Variants in LUZP2 observed in about 807,000 individuals in gnomAD.
The protein encoded by LUZP2 is leucine zipper protein 2.
In LUZP2, 52 loss-of-function variants were observed where a neutral mutation model predicts 51.6. The ratio of observed to expected loss-of-function variants is 1.01; its 90% CI spans 0.81 to 1.27. The LOEUF (loss-of-function observed/expected upper bound fraction) is 1.27. Ranked by LOEUF, LUZP2 falls within the 50% of genes most tolerant of loss-of-function variation. The pLI, the probability that LUZP2 is intolerant of heterozygous loss-of-function variation, is 0.00. For synonymous variants in LUZP2, 154 were observed against 137.3 expected (o/e 1.12, Z -0.85); for missense variants, 436 against 395.4 (o/e 1.10, Z -0.87).
chr11:24,555,271 A>G (rs1851833112), intron 1 of LUZP2, among the ~76,000 whole-genome samples: 3 of 152,194 alleles, frequency 2.0e-5, no homozygotes, highest in African/African-American at 7.2e-5. Flanking sequence ...CAGAAGTGGA[A>G]TAGTAAAGAT....
intron 5 of LUZP2, among the ~76,000 whole-genome samples, chr11:24,900,796 G>T (rs1853255877): frequency 1.3e-5 from 2 of 152,128 alleles, no homozygotes; most frequent in South Asian, 4.1e-4. Context: ...ATAAATCTTT[G>T]ATCGCATAGC....
At chr11:24,743,541 T>C (rs1378346347) in intron 4 of LUZP2, among the ~76,000 whole-genome samples, 2 of 152,160 alleles carry the variant, frequency 1.3e-5, no homozygotes, top group East Asian at 3.9e-4. Flanking sequence ...AGTAATCTTC[T>C]ATCCAGAAAC....
At chr11:24,931,042 C>T (rs1854429816) in intron 7 of LUZP2, among the ~76,000 whole-genome samples, 2 of 151,666 alleles carry the variant, frequency 1.3e-5, no homozygotes, top group South Asian at 4.2e-4. Flanking sequence ...TGAAACCTGT[C>T]TCTACTAAAA....
At chr11:24,876,186 G>A (rs564162617) in intron 5 of LUZP2, among the ~76,000 whole-genome samples, 4 of 148,998 alleles carry the variant, frequency 2.7e-5, no homozygotes, top group African/African-American at 9.9e-5. Flanking sequence ...CCTATGTCCT[G>A]AATGGTAATG....
In LUZP2 at chr11:24,830,335, CT is replaced by C. The variant is rs1850662281; in HGVS notation, c.396+67031del. ...CCCCATTTTTGAGCTAAGTTTCCTT[CT>C]TTTATATCTTTATTGTCCATATGAT... On this transcript the variant is annotated intron_variant, in intron 5 of 11. Coordinates refer to ENST00000336930, the MANE Select transcript of LUZP2 (RefSeq NM_001009909.4). 4.4e-5 allele frequency among the ~76,000 whole-genome samples: 5 copies of C among 113,946 alleles called. No individual in the cohort carries two copies. The South Asian group carries it at 1.3e-3, about 29-fold the overall frequency. 74.8% of individuals were successfully genotyped at this position (113,946 alleles called of 152,430 possible).
intron 7 of LUZP2, among the ~76,000 whole-genome samples, chr11:24,926,913 T>A (rs900094766): frequency 9.9e-5 from 15 of 151,792 alleles, no homozygotes; most frequent in Non-Finnish European, 1.6e-4. Context: ...ATTTTTTTTT[T>A]ATTTTTTGAT....
chr11:24,965,456 TG>T (rs1221365638), intron 7 of LUZP2, among the ~76,000 whole-genome samples: 1 of 151,580 alleles, frequency 6.6e-6, no homozygotes, highest in Non-Finnish European at 1.5e-5. Flanking sequence ...TGATAGCCAT[TG>T]AAATCAATGT....
At chr11:24,545,810 T>C (rs1427733154) in intron 1 of LUZP2, among the ~76,000 whole-genome samples, 1 of 151,968 alleles carries the variant, frequency 6.6e-6, no homozygotes, top group East Asian at 1.9e-4. Context: ...TAGTTATTTC[T>C]AATTCTATGA....
intron 9 of LUZP2, among the ~76,000 whole-genome samples, chr11:24,987,606 T>A (rs1402602201): frequency 6.6e-6 from 1 of 151,924 alleles, no homozygotes; most frequent in Admixed American, 6.6e-5. Flanking sequence ...TGGAAAAGGA[T>A]GATTTGTTAA....
chr11:24,854,399 C>A (rs757851594), intron 5 of LUZP2, among the ~76,000 whole-genome samples: 2 of 152,216 alleles, frequency 1.3e-5, no homozygotes, highest in African/African-American at 2.4e-5. Flanking sequence ...GTTCAAACTT[C>A]CCAGCAGCTT....
rs1320549171 is a variant in LUZP2, at chr11:24,593,558, C to G, written c.62+96253C>G. ...GGTGACCGATTTGTCTTGGCTTGCC[C>G]AGAACATCTCAAATTTAGCACTCAA... On this transcript the variant is annotated intron_variant, in intron 1 of 11. Transcript: ENST00000336930. Among the ~76,000 whole-genome samples, 5 of 152,220 alleles carry G rather than the reference C, an allele frequency of 3.3e-5. No homozygotes were observed. The East Asian group carries it at 9.7e-4, about 30-fold the overall frequency.
At chr11:24,913,669 T>TTTTGTGTGTGTG (rs374943014) in intron 6 of LUZP2, among the ~76,000 whole-genome samples, 2 of 148,462 alleles carry the variant, frequency 1.3e-5, no homozygotes, top group Non-Finnish European at 3.0e-5. Flanking sequence ...ATCTATTTAT[T>TTTTGTGTGTGTG]TGTGTGTGTG....
intron 1 of LUZP2, among the ~76,000 whole-genome samples, chr11:24,630,526 A>G (rs1854843519): frequency 1.3e-5 from 2 of 151,882 alleles, no homozygotes; most frequent in African/African-American, 4.8e-5. Context: ...TCTGGGTGCT[A>G]TATTCTGTTT....
rs907076559 is a variant in LUZP2 at position 25,080,499 on chromosome 11, T to C, written c.*1841T>C. 6.6e-6 allele frequency: 1 copy of C among 152,146 alleles called. No homozygotes were observed. Among genetic ancestry groups the C allele is most frequent in the African/African-American group, 2.4e-5 (1 of 41,458 alleles). 9.4% of individuals were successfully genotyped at this position (152,146 alleles called of 1,614,324 possible). ...CTACCCAAGGAAAAAAATAATTAGC[T>C]TTATGGATGATCCATAGAGCTTTCA... On this transcript the variant is annotated 3_prime_UTR_variant, in exon 12 of 12. Coordinates refer to ENST00000336930, the MANE Select transcript of LUZP2 (RefSeq NM_001009909.4).
chr11:24,616,308 A>G (rs1308247874), intron 1 of LUZP2, among the ~76,000 whole-genome samples: 2 of 151,558 alleles, frequency 1.3e-5, no homozygotes, highest in African/African-American at 4.9e-5. Context: ...CTTTTCCCCT[A>G]TGTTTTCGTT....
intron 1 of LUZP2, among the ~76,000 whole-genome samples, chr11:24,502,519 G>A (rs1850027257): frequency 6.7e-6 from 1 of 149,872 alleles, no homozygotes; most frequent in South Asian, 2.1e-4. Context: ...GAGTACCTGA[G>A]ATTACAGGCG....
At chr11:24,950,684 G>A (rs1169936453) in intron 7 of LUZP2, among the ~76,000 whole-genome samples, 6 of 151,362 alleles carry the variant, frequency 4.0e-5, no homozygotes, top group African/African-American at 9.7e-5. Flanking sequence ...CAAACTTCCC[G>A]ATAATTACCC....
At chr11:25,020,906 A>T (rs1356419293) in intron 9 of LUZP2, among the ~76,000 whole-genome samples, 1 of 152,120 alleles carries the variant, frequency 6.6e-6, no homozygotes, top group African/African-American at 2.4e-5. Context: ...TAGAAATGCT[A>T]CAAACATTTT....
intron 1 of LUZP2, among the ~76,000 whole-genome samples, chr11:24,630,673 C>CTTT (rs57556855): frequency 2.3e-5 from 3 of 131,652 alleles, no homozygotes; most frequent in East Asian, 2.3e-4. Context: ...GCTATTCCGA[C>CTTT]TTTTTTTTTT....
Sources: allele counts gnomAD v4.1 joint callset (sites outside exome capture counted in the v4.1 genomes callset), GRCh38; gene constraint gnomAD v4.1.1; transcripts MANE v1.5; gene names NCBI Gene and HGNC (gene_info 2026-07-23, HGNC 2026-07-21).